Variants in SH3RF3 observed in about 807,000 individuals in gnomAD.
SH3RF3 encodes the protein E3 ubiquitin-protein ligase SH3RF3.
A neutral mutation model predicts 66.3 loss-of-function variants in SH3RF3; 29 were observed. The observed-to-expected ratio is 0.44, with a 90% CI of 0.33 to 0.60. The LOEUF is 0.60. Among genes scored for constraint, SH3RF3 ranks in the 20% least tolerant of loss-of-function variants. The pLI is 0.04. For missense variants in SH3RF3, 1,194 were observed against 1,190.9 expected (o/e 1.00, Z -0.04); for synonymous variants, 583 against 532.0 (o/e 1.10, Z -1.32).
intron 8 of SH3RF3, among the ~76,000 whole-genome samples, chr2:109,464,487 T>C (rs899263048): frequency 9.9e-5 from 15 of 152,200 alleles, no homozygotes; most frequent in East Asian, 5.8e-4. Context: ...TGTACACATA[T>C]ACAGATGCAT....
intron 1 of SH3RF3, among the ~76,000 whole-genome samples, chr2:109,146,993 A>C (rs1677116989): frequency 6.8e-6 from 1 of 146,870 alleles, no homozygotes; most frequent in Non-Finnish European, 1.5e-5. Context: ...CTTCCCTGGG[A>C]CTCATCTCCC....
At chr2:109,157,739 A>G (rs1677382301) in intron 1 of SH3RF3, among the ~76,000 whole-genome samples, 1 of 152,192 alleles carries the variant, frequency 6.6e-6, no homozygotes, top group Admixed American at 6.5e-5. Context: ...GATGCCATAC[A>G]AATTTCTTGA....
At chr2:109,331,065 A>C (rs1187863219) in intron 1 of SH3RF3, among the ~76,000 whole-genome samples, 2 of 152,236 alleles carry the variant, frequency 1.3e-5, no homozygotes, top group Non-Finnish European at 2.9e-5. Flanking sequence ...AATCTAAAAA[A>C]GACTCCTCAG....
At chr2:109,249,502 TTTC>T (rs1680011075) in intron 1 of SH3RF3, among the ~76,000 whole-genome samples, 1 of 30,778 alleles carries the variant, frequency 3.2e-5, no homozygotes, top group Non-Finnish European at 5.2e-5. Context: ...TCTTTCTTTC[TTTC>T]TTTCATTCTT....
At chr2:109,481,236 C>T (rs1678827022) in intron 8 of SH3RF3, among the ~76,000 whole-genome samples, 1 of 152,218 alleles carries the variant, frequency 6.6e-6, no homozygotes, top group African/African-American at 2.4e-5. Flanking sequence ...GGTCCCCCCA[C>T]ACAGGTCTCT....
chr2:109,340,195 G>T (rs565545291), intron 1 of SH3RF3, among the ~76,000 whole-genome samples: 13 of 152,278 alleles, frequency 8.5e-5, no homozygotes, highest in East Asian at 1.9e-4. Flanking sequence ...ATCCAGTCCT[G>T]TCTCTCGGAC....
intron 1 of SH3RF3, among the ~76,000 whole-genome samples, chr2:109,304,573 C>A (rs376867250): frequency 1.3e-5 from 2 of 152,152 alleles, no homozygotes; most frequent in Non-Finnish European, 2.9e-5. Flanking sequence ...CCGCTGCACC[C>A]GTCGGCACTG....
chr2:109,225,916 C>T (rs1382030222), intron 1 of SH3RF3, among the ~76,000 whole-genome samples: 1 of 152,174 alleles, frequency 6.6e-6, no homozygotes, highest in Non-Finnish European at 1.5e-5. Flanking sequence ...TAGTCGCTTT[C>T]CACCATGCCA....
chr2:109,307,432 TATTA>T (rs1445816485), intron 1 of SH3RF3, among the ~76,000 whole-genome samples: 31 of 132,218 alleles, frequency 2.3e-4, no homozygotes, highest in Admixed American at 4.4e-4. Context: ...TTTTTTTTTT[TATTA>T]TTATACTTTA....
At chr2:109,217,078 G>A (rs1057301859) in intron 1 of SH3RF3, among the ~76,000 whole-genome samples, 2 of 152,136 alleles carry the variant, frequency 1.3e-5, no homozygotes, top group Non-Finnish European at 2.9e-5. Flanking sequence ...TGTCCTCTAG[G>A]CTCATTCATG....
intron 2 of SH3RF3, among the ~76,000 whole-genome samples, chr2:109,356,082 G>A (rs2105602030): frequency 6.6e-6 from 1 of 152,272 alleles, no homozygotes; most frequent in Non-Finnish European, 1.5e-5. Flanking sequence ...ATTCCTCTTT[G>A]GAGGTTGTAA....
rs1236945378 is a variant in SH3RF3, at chr2:109,204,235, A to C, written c.573+74122A>C. ...ATGTCTGTCTGTCTGTCTTGGGTGA[A>C]CCATGAAACTTACTTTGCTTATGCC... On this transcript the variant is annotated intron_variant, in intron 1 of 9. Transcript: ENST00000309415. Among the ~76,000 whole-genome samples the C allele has an allele frequency of 2.0e-5, 3 of 152,142 alleles. No individual in the cohort carries two copies. The East Asian group carries it at 5.8e-4, about 29-fold the overall frequency.
intron 1 of SH3RF3, among the ~76,000 whole-genome samples, chr2:109,170,239 TTTCTTTTCTCTTCTC>T (rs199878083): frequency 0.11 from 14,090 of 133,170 alleles, 1,334 homozygotes; most frequent in Middle Eastern, 0.21. Flanking sequence ...CTTCTCTTCT[TTTCTTTTCTCTTCTC>T]TTCTCTTCTC....
intron 1 of SH3RF3, among the ~76,000 whole-genome samples, chr2:109,157,172 T>G (rs1677365251): frequency 6.6e-6 from 1 of 152,142 alleles, no homozygotes. Context: ...TAGAATGTTA[T>G]CAGAGGGGAT....
chr2:109,491,670 G>T (rs984254812), intron 9 of SH3RF3, among the ~76,000 whole-genome samples: 12 of 152,142 alleles, frequency 7.9e-5, no homozygotes, highest in African/African-American at 2.9e-4. Flanking sequence ...TCCTAAAAGG[G>T]CTCTCAGGTA....
At chr2:109,206,997 C>A (rs191672111) in intron 1 of SH3RF3, among the ~76,000 whole-genome samples, 1 of 152,152 alleles carries the variant, frequency 6.6e-6, no homozygotes, top group Non-Finnish European at 1.5e-5. Context: ...TTTGGCTGAG[C>A]GCTGCATTTG....
At chr2:109,194,755 G>C (rs1678456621) in intron 1 of SH3RF3, among the ~76,000 whole-genome samples, 1 of 152,200 alleles carries the variant, frequency 6.6e-6, no homozygotes, top group African/African-American at 2.4e-5. Context: ...TTCCAATCCT[G>C]AATGCTCAAG....
chr2:109,399,274 G>A (rs72945304), intron 4 of SH3RF3, among the ~76,000 whole-genome samples: 4,718 of 152,252 alleles, frequency 0.031, 237 homozygotes, highest in African/African-American at 0.11. Flanking sequence ...TTATGTCCTG[G>A]AAGAGTCTTG....
chr2:109,266,620 C>T (rs1381133731), intron 1 of SH3RF3, among the ~76,000 whole-genome samples: 1 of 151,868 alleles, frequency 6.6e-6, no homozygotes, highest in African/African-American at 2.4e-5. Context: ...AGCAGGGCTC[C>T]CCTCAGGGCT....
Sources: gnomAD v4.1 joint callset for allele counts (sites outside exome capture counted in the v4.1 genomes callset) on GRCh38, gnomAD v4.1.1 for gene constraint, MANE v1.5 for transcripts, NCBI Gene and HGNC (gene_info 2026-07-23, HGNC 2026-07-21) for gene names.